The following SORBS2 variants were observed in gnomAD, a reference collection of about 807,000 sequenced individuals.
SORBS2 encodes sorbin and SH3 domain containing 2.
A neutral mutation model predicts 97.7 loss-of-function variants in SORBS2; 46 were observed. That is an observed-to-expected ratio of 0.47 (90% confidence interval 0.37 to 0.60). The LOEUF is 0.60. Among genes scored for constraint, SORBS2 ranks in the 20% least tolerant of loss-of-function variants. The probability of loss-of-function intolerance (pLI) is 0.00; values close to 1 mark genes in which losing one functional copy is unlikely to be tolerated. For missense variants in SORBS2, 1,316 were observed against 1,282.3 expected (o/e 1.03, Z -0.40); for synonymous variants, 476 against 473.4 (o/e 1.01, Z -0.07).
At chr4:185,666,089 C>T (rs2097592634) in intron 4 of SORBS2, 1 of 1,289,630 alleles carries the variant, frequency 7.8e-7, no homozygotes, top group South Asian at 1.2e-5. Context: ...GAGAAAGTGG[C>T]TCGGTTCAAA....
chr4:185,766,391 G>T (rs1403962106), intron 2 of SORBS2, among the ~76,000 whole-genome samples: 1 of 152,076 alleles, frequency 6.6e-6, no homozygotes, highest in African/African-American at 2.4e-5. Flanking sequence ...CTTAACCATG[G>T]TCTTCAACAG....
At chr4:185,661,392 A>C (rs538541154), upstream of SORBS2, among the ~76,000 whole-genome samples, 1 of 152,328 alleles carries the variant, frequency 6.6e-6, no homozygotes, top group East Asian at 1.9e-4. Flanking sequence ...AGGCCACAAA[A>C]AGTCCATGAG....
At position 185,623,226 on chromosome 4, in the gene SORBS2, G is replaced by C; in HGVS notation, c.1903C>G (p.Leu635Val). 1 of 1,614,144 alleles carries C rather than the reference G, an allele frequency of 6.2e-7. No individual in the cohort carries two copies. ...CAGATGTCTTTAAGGGCAGAGTCCA[G>C]AGCCTCAAACACAGATGCTTTACAT... Residue 635 changes from leucine to valine, a missense_variant, in exon 7 of 15, where the codon CTG becomes GTG. Leu to Val is a conservative substitution (Grantham distance 32). Coordinates refer to ENST00000418609, the Ensembl canonical transcript of SORBS2. This position sits in a 1 kb window ranked among gnomAD's most constrained non-coding sequence, Gnocchi z 6.4.
intron 2 of SORBS2, among the ~76,000 whole-genome samples, chr4:185,749,998 T>G (rs2098789690): frequency 6.6e-6 from 1 of 152,156 alleles, no homozygotes; most frequent in South Asian, 2.1e-4. Context: ...GGGGAAACAG[T>G]TAACTGTTCA....
At chr4:185,759,862 A>C (rs2098859688) in intron 2 of SORBS2, among the ~76,000 whole-genome samples, 1 of 152,212 alleles carries the variant, frequency 6.6e-6, no homozygotes, top group Non-Finnish European at 1.5e-5. Context: ...AAAGCTTATC[A>C]CATTCTGTAA....
chr4:185,698,590 A>T (rs1476856016), intron 2 of SORBS2, among the ~76,000 whole-genome samples: 1 of 152,236 alleles, frequency 6.6e-6, no homozygotes, highest in African/African-American at 2.4e-5. Context: ...CTGCTTAATT[A>T]AGTACTGAAT....
At chr4:185,594,549 C>T (rs1385721677) in intron 12 of SORBS2, among the ~76,000 whole-genome samples, 1 of 152,130 alleles carries the variant, frequency 6.6e-6, no homozygotes, top group Non-Finnish European at 1.5e-5. Context: ...ATCCGGGTAA[C>T]ATGTAACATT....
intron 4 of SORBS2, among the ~76,000 whole-genome samples, chr4:185,668,743 C>T (rs910737209): frequency 1.2e-4 from 19 of 152,114 alleles, no homozygotes; most frequent in Non-Finnish European, 1.8e-4. Context: ...TTTCTTACTT[C>T]ATGAGTGGCA....
chr4:185,787,954 T>C (rs556845279), intron 1 of SORBS2, among the ~76,000 whole-genome samples: 14 of 152,348 alleles, frequency 9.2e-5, no homozygotes, highest in African/African-American at 3.4e-4. Flanking sequence ...GGTAAAGCCA[T>C]GACCAGCGCC....
intron 2 of SORBS2, among the ~76,000 whole-genome samples, chr4:185,726,501 G>C (rs2098555213): frequency 6.6e-6 from 1 of 151,900 alleles, no homozygotes. Flanking sequence ...TTTTTCAAAA[G>C]ACCCATTCCC....
At chr4:185,695,138 C>A (rs1294250944) in intron 2 of SORBS2, among the ~76,000 whole-genome samples, 1 of 152,118 alleles carries the variant, frequency 6.6e-6, no homozygotes, top group East Asian at 1.9e-4. Context: ...GGAGTTTGAT[C>A]CTGCATGGGC....
At chr4:185,713,142 C>T (rs2098438017) in intron 2 of SORBS2, among the ~76,000 whole-genome samples, 1 of 152,258 alleles carries the variant, frequency 6.6e-6, no homozygotes, top group East Asian at 1.9e-4. Context: ...CCTCACTGCA[C>T]CTCTAGCTCA....
At chr4:185,727,669 C>A (rs1001164484) in intron 2 of SORBS2, among the ~76,000 whole-genome samples, 2 of 152,164 alleles carry the variant, frequency 1.3e-5, no homozygotes, top group Non-Finnish European at 2.9e-5. Context: ...GGTTATTAAA[C>A]CATTTTGTAA....
chr4:185,947,738 G>A (rs1257140018), intron 1 of SORBS2, among the ~76,000 whole-genome samples: 1 of 152,124 alleles, frequency 6.6e-6, no homozygotes, highest in Non-Finnish European at 1.5e-5. Flanking sequence ...AGCCTTCCAA[G>A]TAGCTGGAAT....
intron 1 of SORBS2, among the ~76,000 whole-genome samples, chr4:185,832,760 T>C (rs2099205805): frequency 6.6e-6 from 1 of 152,176 alleles, no homozygotes; most frequent in African/African-American, 2.4e-5. Flanking sequence ...ATAATTCAAT[T>C]TGCTCAAAGT....
intron 1 of SORBS2, among the ~76,000 whole-genome samples, chr4:185,777,243 G>C (rs9995036): frequency 0.35 from 53,215 of 151,902 alleles, 10,262 homozygotes; most frequent in Middle Eastern, 0.46. Flanking sequence ...TTTAAAAAAT[G>C]ACTCTAGAAT....
rs148267037 is a variant in SORBS2, at chr4:185,782,148, CTAT to C, written c.-337-6785_-337-6783del. Among the ~76,000 whole-genome samples, 30 of 152,320 alleles carry C rather than the reference CTAT, an allele frequency of 2.0e-4. No homozygotes were observed. In the East Asian group the frequency reaches 4.0e-3, roughly 21 times the overall value. On this transcript the variant is annotated intron_variant, in intron 1 of 20. Coordinates refer to the SORBS2 transcript ENST00000284776. ...CAACACAAGAGTACATTTTTTGGTT[CTAT>C]ATTTATCAGAACTTGTGAAATAAAA...
At chr4:185,719,767 CT>C (rs1212026998) in intron 2 of SORBS2, among the ~76,000 whole-genome samples, 1 of 152,212 alleles carries the variant, frequency 6.6e-6, no homozygotes, top group Non-Finnish European at 1.5e-5. Context: ...AGGAATTCTT[CT>C]TGCCTGTATA....
At chr4:185,934,910 C>G (rs1177740528) in intron 1 of SORBS2, among the ~76,000 whole-genome samples, 1 of 152,084 alleles carries the variant, frequency 6.6e-6, no homozygotes, top group East Asian at 1.9e-4. Context: ...CTAGACTGCT[C>G]AAGGAGAAGA....
Sources: gnomAD v4.1 joint callset for allele counts (sites outside exome capture counted in the v4.1 genomes callset) on GRCh38, gnomAD v4.1.1 for gene constraint, Gnocchi (gnomAD v3.1) non-coding constraint, MANE v1.5 for transcripts, NCBI Gene and HGNC (gene_info 2026-07-23, HGNC 2026-07-21) for gene names.